The following MCF2L variants were observed in gnomAD, a reference collection of about 807,000 sequenced individuals.
MCF2L encodes the protein guanine nucleotide exchange factor DBS.
In MCF2L, 97 loss-of-function variants were observed where a neutral mutation model predicts 153.4. The observed-to-expected ratio is 0.63, with a 90% CI of 0.54 to 0.75. The LOEUF (loss-of-function observed/expected upper bound fraction) is 0.75. Ranked by LOEUF, MCF2L falls within the 30% of genes least tolerant of loss-of-function variation. MCF2L has a pLI of 0.00. For synonymous variants in MCF2L, 659 were observed against 632.2 expected (o/e 1.04, Z -0.64); for missense variants, 1,347 against 1,495.2 (o/e 0.90, Z 1.64).
At chr13:113,061,047 G>T (rs1426039528) in intron 5 of MCF2L, among the ~76,000 whole-genome samples, 1 of 152,148 alleles carries the variant, frequency 6.6e-6, no homozygotes, top group Non-Finnish European at 1.5e-5. Context: ...AGGGCTGAGA[G>T]TCCGCCTGGC....
intron 4 of MCF2L, among the ~76,000 whole-genome samples, chr13:113,051,748 C>A (rs887757566): frequency 6.6e-6 from 1 of 152,194 alleles, no homozygotes; most frequent in Non-Finnish European, 1.5e-5. Flanking sequence ...AGGAGCCTCA[C>A]CTGGTGAGAT....
rs181989788 is a variant in MCF2L at position 113,004,320 on chromosome 13, C to T, written c.80-10443C>T. ...GGCCACACTTGGTGGTCCTCTTCAC[C>T]TTGGCCTCTTGTTGAGCGCACCTCC... On this transcript the variant is annotated intron_variant, in intron 1 of 29. Transcript: ENST00000535094. Among the ~76,000 whole-genome samples, 25 of 152,308 alleles carry T rather than the reference C, an allele frequency of 1.6e-4. 1 individual carries two copies. In the East Asian group the frequency reaches 4.4e-3, roughly 27 times the overall value.
intron 3 of MCF2L, among the ~76,000 whole-genome samples, chr13:113,029,928 G>A (rs977425634): frequency 6.6e-6 from 1 of 152,178 alleles, no homozygotes; most frequent in Non-Finnish European, 1.5e-5. Flanking sequence ...GCTTTTAAGG[G>A]GTTTCAACTG....
chr13:113,090,190 C>G (rs1210033473), intron 26 of MCF2L: 4 of 1,508,292 alleles, frequency 2.7e-6, no homozygotes, highest in Admixed American at 4.0e-5. Flanking sequence ...CAAACCCACC[C>G]TCACCGTGGT....
chr13:112,909,259 C>T (rs941546873), intron 2 of MCF2L: 3 of 779,780 alleles, frequency 3.8e-6, no homozygotes, highest in South Asian at 2.7e-5. Flanking sequence ...GCAGAGGTCT[C>T]GGCATCTCGT....
chr13:113,066,117 C>A lies in MCF2L; in HGVS notation c.828C>A (p.Gly276=). The change falls in exon 8 of 30, where the codon GGC becomes GGA. Residue 276 remains glycine (G), a synonymous_variant. Transcript: ENST00000535094. ...GCCTCAGGGAGCTGCAGGCTGAGGG[C>A]TCAGAGCCCAGTGTGAACCAGGACC... is the stretch of plus-strand genomic sequence containing the variant. ...LESLRELQAE[G]SEPSVNQDQL... 1 of 1,613,262 alleles carries A rather than the reference C, an allele frequency of 6.2e-7. No individual in the cohort carries two copies. Among genetic ancestry groups the A allele is most frequent in the Non-Finnish European group, 8.5e-7 (1 of 1,179,952 alleles).
chr13:113,019,358 G>A (rs373815537), intron 2 of MCF2L, among the ~76,000 whole-genome samples: 5 of 152,140 alleles, frequency 3.3e-5, no homozygotes, highest in Non-Finnish European at 7.4e-5. Flanking sequence ...AAGGCCCGAC[G>A]GCTGCTCCAA....
chr13:112,931,491 G>A (rs1235607453), intron 2 of MCF2L, among the ~76,000 whole-genome samples: 9 of 152,152 alleles, frequency 5.9e-5, no homozygotes, highest in Non-Finnish European at 2.9e-5. Flanking sequence ...GGTGTGCGGC[G>A]TCAGTGTGAA....
Position 112,969,528 on chromosome 13 carries a change from T to C in MCF2L, c.79+70T>C. 1 of 1,541,864 alleles carries C rather than the reference T, an allele frequency of 6.5e-7. No homozygotes were observed. Among genetic ancestry groups the C allele is most frequent in the Admixed American group, 2.0e-5 (1 of 50,792 alleles). ...CATCATGGGCTGAAATGTGGGGAAATGCGTCTGATTTTTGTAAGCCGCCCT... is the reference window on the plus strand; with the variant it reads ...CATCATGGGCTGAAATGTGGGGAAACGCGTCTGATTTTTGTAAGCCGCCCT... On this transcript the variant is annotated intron_variant, in intron 1 of 29. Transcript: ENST00000535094. This position sits in a 1 kb window ranked among gnomAD's most constrained non-coding sequence, Gnocchi z 4.8.
intron 2 of MCF2L, among the ~76,000 whole-genome samples, chr13:112,918,154 T>G (rs2140554587): frequency 6.6e-6 from 1 of 152,250 alleles, no homozygotes; most frequent in Admixed American, 6.5e-5. Context: ...AATCGCAAAT[T>G]AAGGGAACGC....
rs559537621 is a variant in MCF2L at position 113,094,849 on chromosome 13, C to T, written c.3075+214C>T. 7 of 1,088,094 alleles carry T rather than the reference C, an allele frequency of 6.4e-6. No homozygotes were observed. In the East Asian group the frequency reaches 1.8e-4, roughly 28 times the overall value. 67.4% of individuals were successfully genotyped at this position (1,088,094 alleles called of 1,614,324 possible). A position where few individuals can be genotyped will look rare whatever the true frequency, so the allele number is the denominator to read the frequency against. On this transcript the variant is annotated intron_variant, in intron 27 of 29. Coordinates refer to ENST00000535094, the MANE Select transcript of MCF2L (RefSeq NM_001112732.3). ...CCCAGACCTGGGTCTTGGGGCACAG[C>T]CCCAGCTCCTCCTAACTCTCTCTGG...
intron 2 of MCF2L, among the ~76,000 whole-genome samples, chr13:112,927,076 G>A (rs1459017709): frequency 1.3e-5 from 2 of 152,172 alleles, no homozygotes. Context: ...TGAATTAAAA[G>A]CACACTGGCA....
intron 9 of MCF2L, among the ~76,000 whole-genome samples, chr13:113,071,016 T>C (rs1392025694): frequency 1.3e-5 from 2 of 152,216 alleles, no homozygotes; most frequent in African/African-American, 4.8e-5. Flanking sequence ...CGGTTCTCAG[T>C]GTATGAGAGA....
intron 3 of MCF2L, among the ~76,000 whole-genome samples, chr13:113,039,169 C>T (rs2086331572): frequency 6.6e-6 from 1 of 152,162 alleles, no homozygotes; most frequent in Admixed American, 6.5e-5. Context: ...ATTGCAGTCT[C>T]TTGATTTATT....
intron 2 of MCF2L, among the ~76,000 whole-genome samples, chr13:112,921,492 G>C (rs1434815352): frequency 6.6e-6 from 1 of 152,138 alleles, no homozygotes; most frequent in African/African-American, 2.4e-5. Context: ...GGAACCAAAC[G>C]ACCTCCCACC....
intron 1 of MCF2L, among the ~76,000 whole-genome samples, chr13:112,998,541 C>T (rs2083231404): frequency 6.6e-6 from 1 of 152,194 alleles, no homozygotes; most frequent in Admixed American, 6.5e-5. Context: ...CAAAGGGAAG[C>T]CTGCAAGAAA....
intron 1 of MCF2L, among the ~76,000 whole-genome samples, chr13:112,992,399 G>C (rs2082928640): frequency 6.6e-6 from 1 of 152,228 alleles, no homozygotes; most frequent in South Asian, 2.1e-4. Context: ...GATGTCATGA[G>C]GCCCAGTCGG....
Position 113,097,653 on chromosome 13 carries a change from C to T in MCF2L, c.*794C>T, listed in dbSNP as rs1041506254. On this transcript the variant is annotated 3_prime_UTR_variant, in exon 30 of 30. Transcript: ENST00000535094. ...AACTATAATTTAAACAATTAACGTTCTTTTCTACAAAAAAAATGCAGGGAC... is the reference window on the plus strand; with the variant it reads ...AACTATAATTTAAACAATTAACGTTTTTTTCTACAAAAAAAATGCAGGGAC... The T allele has an allele frequency of 2.9e-5, 4 of 139,356 alleles. No homozygotes were observed. The highest frequency in any genetic ancestry group is 6.2e-5 in the Non-Finnish European group (4 of 64,862). 8.6% of individuals were successfully genotyped at this position (139,356 alleles called of 1,614,324 possible).
At chr13:112,940,359 G>A (rs1447539797) in intron 2 of MCF2L, among the ~76,000 whole-genome samples, 2 of 152,222 alleles carry the variant, frequency 1.3e-5, no homozygotes, top group African/African-American at 2.4e-5. Flanking sequence ...GTGCCAGCAC[G>A]GGGAAGGTGC....
Sources: gnomAD v4.1 joint callset for allele counts (sites outside exome capture counted in the v4.1 genomes callset) on GRCh38, gnomAD v4.1.1 for gene constraint, Gnocchi (gnomAD v3.1) non-coding constraint, MANE v1.5 for transcripts, NCBI Gene and HGNC (gene_info 2026-07-23, HGNC 2026-07-21) for gene names.